The following CRACD variants were observed in gnomAD, a reference collection of about 807,000 sequenced individuals.
The protein encoded by CRACD is capping protein inhibiting regulator of actin dynamics.
In CRACD, 56 loss-of-function variants were observed where a neutral mutation model predicts 106.8. The observed-to-expected ratio is 0.52, with a 90% CI of 0.42 to 0.66. The LOEUF (loss-of-function observed/expected upper bound fraction) is 0.66, where lower values mean the gene tolerates loss of function less well. Among genes scored for constraint, CRACD ranks in the 30% least tolerant of loss-of-function variants. CRACD has a pLI of 0.00. For synonymous variants in CRACD, 754 were observed against 670.8 expected (o/e 1.12, Z -1.92); for missense variants, 1,730 against 1,623.2 (o/e 1.07, Z -1.13).
chr4:56,154,027 G>C (rs544270042), intron 1 of CRACD, among the ~76,000 whole-genome samples: 1 of 152,192 alleles, frequency 6.6e-6, no homozygotes, highest in African/African-American at 2.4e-5. Context: ...TAGAATAGCA[G>C]CTTGGACTAG....
At chr4:56,215,303 G>A (rs1219823677) in intron 2 of CRACD, among the ~76,000 whole-genome samples, 1 of 152,152 alleles carries the variant, frequency 6.6e-6, no homozygotes, top group Non-Finnish European at 1.5e-5. Flanking sequence ...TTACAAACGT[G>A]AATCACTGTG....
At chr4:56,264,653 C>T (rs187362967) in intron 2 of CRACD, among the ~76,000 whole-genome samples, 1 of 152,246 alleles carries the variant, frequency 6.6e-6, no homozygotes, top group Admixed American at 6.5e-5. Context: ...ACATCCTGAG[C>T]TTACAAAGAT....
chr4:56,295,658 AACATATATAT>A (rs1336713719), intron 3 of CRACD, among the ~76,000 whole-genome samples: 3 of 109,780 alleles, frequency 2.7e-5, no homozygotes, highest in African/African-American at 3.6e-5. Flanking sequence ...GAAATTAGTA[AACATATATAT>A]ATATATATAT....
At chr4:56,302,579 A>G (rs1046143137) in intron 4 of CRACD, among the ~76,000 whole-genome samples, 1 of 152,234 alleles carries the variant, frequency 6.6e-6, no homozygotes, top group Non-Finnish European at 1.5e-5. Context: ...TGTCAAGGAC[A>G]CAAAGAATAA....
intron 1 of CRACD, among the ~76,000 whole-genome samples, chr4:56,148,787 C>T (rs1433352548): frequency 6.6e-6 from 1 of 151,456 alleles, no homozygotes; most frequent in African/African-American, 2.4e-5. Context: ...ACTATTTCAA[C>T]TGTAGTGATG....
At chr4:56,188,419 A>G (rs1259105486) in intron 2 of CRACD, among the ~76,000 whole-genome samples, 3 of 151,980 alleles carry the variant, frequency 2.0e-5, no homozygotes, top group East Asian at 3.9e-4. Flanking sequence ...AGGGCCTATG[A>G]TAGATGAGAT....
chr4:56,091,955 G>A (rs2109821224), intron 1 of CRACD, among the ~76,000 whole-genome samples: 1 of 152,268 alleles, frequency 6.6e-6, no homozygotes, highest in South Asian at 2.1e-4. Flanking sequence ...GGCTGACACG[G>A]GAGACTCGCT....
intron 1 of CRACD, among the ~76,000 whole-genome samples, chr4:56,060,668 T>C (rs976025277): frequency 1.3e-5 from 2 of 152,120 alleles, no homozygotes; most frequent in African/African-American, 4.8e-5. Context: ...CGCAATGGAC[T>C]GAATGTTTTT....
chr4:56,135,514 A>G (rs1734973263), intron 1 of CRACD, among the ~76,000 whole-genome samples: 1 of 152,216 alleles, frequency 6.6e-6, no homozygotes, highest in Non-Finnish European at 1.5e-5. Context: ...GCGTCCTCCA[A>G]TTAGTGTTAT....
At chr4:56,228,220 T>C (rs1399846226) in intron 2 of CRACD, among the ~76,000 whole-genome samples, 1 of 152,154 alleles carries the variant, frequency 6.6e-6, no homozygotes, top group Non-Finnish European at 1.5e-5. Context: ...TTTGTTACTG[T>C]GTACTTAATC....
Position 56,315,601 on chromosome 4 carries a change from G to C in CRACD, c.2099G>C (p.Arg700Thr). Residue 700 changes from arginine to threonine, a missense_variant, in exon 8 of 11, where the codon AGG becomes ACG. Arg to Thr is a moderately conservative substitution (Grantham distance 71). Transcript: ENST00000682029. The surrounding 1 kb of genome is among the most constrained non-coding windows in gnomAD (Gnocchi z 4.1). ...AGGCCCGGTGATGAGTCCACTCCCAGGGGCCGGTGTGATTCCCGCGGGAAC... is the reference window on the plus strand; with the variant it reads ...AGGCCCGGTGATGAGTCCACTCCCACGGGCCGGTGTGATTCCCGCGGGAAC... ...QLRPGDESTP[R>T]GRCDSRGNQR... 1 of 1,614,188 alleles carries C rather than the reference G, an allele frequency of 6.2e-7. No individual in the cohort carries two copies.
intron 2 of CRACD, among the ~76,000 whole-genome samples, chr4:56,196,890 A>G (rs1299385466): frequency 6.6e-6 from 1 of 152,156 alleles, no homozygotes; most frequent in Non-Finnish European, 1.5e-5. Context: ...ACTGTTGTAT[A>G]TTTACTTCAG....
chr4:56,166,486 G>C (rs1736153034), intron 1 of CRACD, among the ~76,000 whole-genome samples: 1 of 151,920 alleles, frequency 6.6e-6, no homozygotes, highest in South Asian at 2.1e-4. Context: ...TTCAAGACCA[G>C]CCTGCCCAAC....
chr4:56,221,381 G>A (rs944918615), intron 2 of CRACD, among the ~76,000 whole-genome samples: 3 of 152,182 alleles, frequency 2.0e-5, no homozygotes, highest in African/African-American at 7.2e-5. Context: ...CAAATATATT[G>A]AGAGGTTCAC....
intron 2 of CRACD, among the ~76,000 whole-genome samples, chr4:56,206,759 G>A (rs73160408): frequency 0.021 from 3,187 of 152,222 alleles, 95 homozygotes; most frequent in African/African-American, 0.061. Flanking sequence ...TGGTCACGTT[G>A]TCCCTTAGGT....
chr4:56,115,386 C>A (rs940636576), intron 1 of CRACD, among the ~76,000 whole-genome samples: 2 of 152,072 alleles, frequency 1.3e-5, no homozygotes, highest in Admixed American at 6.6e-5. Flanking sequence ...TTTCAGTTTC[C>A]TCCTTTGTAG....
chr4:56,280,088 A>C, intron 3 of CRACD, among the ~76,000 whole-genome samples: 1 of 146,682 alleles, frequency 6.8e-6, no homozygotes, highest in African/African-American at 2.5e-5. Flanking sequence ...GTGGGAATTG[A>C]ACAGTGAGAA....
At chr4:56,233,726 T>G (rs1434905044) in intron 2 of CRACD, among the ~76,000 whole-genome samples, 1 of 152,218 alleles carries the variant, frequency 6.6e-6, no homozygotes, top group African/African-American at 2.4e-5. Flanking sequence ...TCAGTCAACT[T>G]CAGCAAAACT....
chr4:56,316,139 G>C lies in CRACD; in HGVS notation c.2637G>C (p.Ala879=). The change falls in exon 8 of 11, where the codon GCG becomes GCC. Residue 879 remains alanine (A), a synonymous_variant. Coordinates refer to ENST00000682029, the MANE Select transcript of CRACD (RefSeq NM_001393381.1). ...GGCACAGCAGCACCGGAGACAGCGC[G>C]GATGCAGGGCCGCCTGCAGCGGGGA... ...KKRHSSTGDS[A]DAGPPAAGSA... The C allele has an allele frequency of 6.2e-7, 1 of 1,614,174 alleles. No homozygotes were observed. Among genetic ancestry groups the C allele is most frequent in the Non-Finnish European group, 8.5e-7 (1 of 1,180,036 alleles).
Sources: allele counts gnomAD v4.1 joint callset (sites outside exome capture counted in the v4.1 genomes callset), GRCh38; gene constraint gnomAD v4.1.1; non-coding constraint Gnocchi (gnomAD v3.1); transcripts MANE v1.5; gene names NCBI Gene and HGNC (gene_info 2026-07-23, HGNC 2026-07-21).